The following DLG2 variants were observed in gnomAD, a reference collection of about 807,000 sequenced individuals.
The protein encoded by DLG2 is discs large MAGUK scaffold protein 2.
In DLG2, 45 loss-of-function variants were observed where a neutral mutation model predicts 132.5. The ratio of observed to expected loss-of-function variants is 0.34; its 90% CI spans 0.27 to 0.44. DLG2 has a LOEUF of 0.44. Ranked by LOEUF, DLG2 falls within the 20% of genes least tolerant of loss-of-function variation. DLG2 has a pLI of 1.00. For missense variants in DLG2, 1,045 were observed against 1,196.9 expected (o/e 0.87, Z 1.87); for synonymous variants, 424 against 419.6 (o/e 1.01, Z -0.13).
At chr11:84,726,426 C>T (rs1401654148) in intron 6 of DLG2, among the ~76,000 whole-genome samples, 1 of 152,058 alleles carries the variant, frequency 6.6e-6, no homozygotes, top group Non-Finnish European at 1.5e-5. Context: ...CATCCATGTC[C>T]CTGCAAAGGA....
intron 6 of DLG2, among the ~76,000 whole-genome samples, chr11:84,722,245 C>T (rs1190155444): frequency 6.6e-6 from 1 of 152,128 alleles, no homozygotes; most frequent in East Asian, 1.9e-4. Flanking sequence ...GAAATCCCAC[C>T]TGAAATACAG....
chr11:84,085,815 T>A (rs2096969766), intron 10 of DLG2, among the ~76,000 whole-genome samples: 1 of 152,240 alleles, frequency 6.6e-6, no homozygotes, highest in South Asian at 2.1e-4. Context: ...CATCTATGTC[T>A]CAGCAATCCT....
chr11:84,113,525 T>C (rs1231315429), intron 9 of DLG2, among the ~76,000 whole-genome samples: 2 of 152,180 alleles, frequency 1.3e-5, no homozygotes, highest in Non-Finnish European at 2.9e-5. Context: ...AAAATTTGAA[T>C]TTTCAAGCAC....
At chr11:84,679,144 A>T (rs2099722399) in intron 6 of DLG2, among the ~76,000 whole-genome samples, 1 of 150,562 alleles carries the variant, frequency 6.6e-6, no homozygotes. Context: ...GACTCCAATA[A>T]TAGTTGCTAA....
chr11:84,314,540 T>C (rs575108639), intron 7 of DLG2, among the ~76,000 whole-genome samples: 18 of 152,070 alleles, frequency 1.2e-4, no homozygotes, highest in Non-Finnish European at 2.1e-4. Context: ...TCTATAAATA[T>C]ACATATATCA....
At chr11:84,716,752 C>CA (rs1565758626) in intron 6 of DLG2, among the ~76,000 whole-genome samples, 2 of 146,692 alleles carry the variant, frequency 1.4e-5, no homozygotes, top group African/African-American at 5.0e-5. Context: ...AATAGAAAAT[C>CA]TTTTTTTTTG....
In DLG2 at chr11:83,797,831, T is replaced by C. The variant is rs138911321; in HGVS notation, c.1723-11039A>G. The stretch of plus-strand genomic sequence containing the variant: ...CTGCACCCGGCCGCGTTTGCATTCT[T>C]AACCATGACATAGCCTCTCAAGGAT... On this transcript the variant is annotated intron_variant, in intron 17 of 27. Coordinates refer to ENST00000376104, the MANE Select transcript of DLG2 (RefSeq NM_001142699.3). Among the ~76,000 whole-genome samples the C allele has an allele frequency of 1.8e-3, 273 of 152,350 alleles. 1 individual carries two copies. The highest frequency in any genetic ancestry group is 3.0e-3 in the Non-Finnish European group (202 of 68,024).
chr11:83,592,338 G>A (rs1332712369), intron 19 of DLG2, among the ~76,000 whole-genome samples: 31 of 145,860 alleles, frequency 2.1e-4, no homozygotes, highest in African/African-American at 6.2e-4. Flanking sequence ...AAATAACACC[G>A]CATATCTACA....
At chr11:85,517,977 T>A (rs2094202220) in intron 3 of DLG2, among the ~76,000 whole-genome samples, 1 of 152,220 alleles carries the variant, frequency 6.6e-6, no homozygotes, top group African/African-American at 2.4e-5. Context: ...TCACGTAAGA[T>A]GTGACTTGCT....
chr11:85,065,902 C>T (rs182883403), intron 6 of DLG2, among the ~76,000 whole-genome samples: 1 of 151,134 alleles, frequency 6.6e-6, no homozygotes, highest in Non-Finnish European at 1.5e-5. Flanking sequence ...CATCACACCT[C>T]AAAGAACTAA....
intron 3 of DLG2, among the ~76,000 whole-genome samples, chr11:85,523,608 G>A (rs547312214): frequency 6.6e-6 from 1 of 152,244 alleles, no homozygotes; most frequent in East Asian, 1.9e-4. Flanking sequence ...TAGAGAAAAG[G>A]GAACCATTAC....
chr11:84,110,772 C>A (rs2093303049), intron 9 of DLG2, among the ~76,000 whole-genome samples: 1 of 152,206 alleles, frequency 6.6e-6, no homozygotes, highest in Non-Finnish European at 1.5e-5. Flanking sequence ...AGCTGGGTTC[C>A]AGGTGAATTA....
chr11:84,205,157 A>C (rs998641817), intron 8 of DLG2, among the ~76,000 whole-genome samples: 4 of 152,224 alleles, frequency 2.6e-5, no homozygotes, highest in African/African-American at 9.6e-5. Context: ...GGGATATTTC[A>C]TAAGGACTAA....
intron 9 of DLG2, among the ~76,000 whole-genome samples, chr11:84,150,828 T>C (rs2095270165): frequency 6.6e-6 from 1 of 152,092 alleles, no homozygotes; most frequent in South Asian, 2.1e-4. Context: ...GGATGTTGAA[T>C]TTTATCCAAA....
In DLG2 at chr11:84,783,781, T is replaced by A. The variant is rs183108439; in HGVS notation, c.358-249050A>T. Among the ~76,000 whole-genome samples the A allele has an allele frequency of 3.3e-3, 496 of 152,236 alleles. 2 individuals carry two copies. Among genetic ancestry groups the A allele is most frequent in the Non-Finnish European group, 5.2e-3 (355 of 68,014 alleles). On this transcript the variant is annotated intron_variant, in intron 6 of 27. Coordinates refer to ENST00000376104, the MANE Select transcript of DLG2 (RefSeq NM_001142699.3). ...TTTTTGATTCCTGTTTCAGAGTTTT[T>A]CCTCCATACATGTTCAACATGTCAA...
intron 6 of DLG2, among the ~76,000 whole-genome samples, chr11:84,839,372 T>C (rs977109054): frequency 1.4e-4 from 22 of 152,268 alleles, no homozygotes; most frequent in Admixed American, 9.2e-4. Flanking sequence ...GAACATTCCA[T>C]GCTCATGGAT....
At chr11:85,479,488 T>C (rs1384861562) in intron 3 of DLG2, among the ~76,000 whole-genome samples, 3 of 152,186 alleles carry the variant, frequency 2.0e-5, no homozygotes, top group Non-Finnish European at 4.4e-5. Flanking sequence ...GACATAAACA[T>C]TAAGTCTATA....
chr11:84,038,539 A>T (rs79417935), intron 11 of DLG2, among the ~76,000 whole-genome samples: 106 of 152,232 alleles, frequency 7.0e-4, no homozygotes, highest in African/African-American at 2.5e-3. Flanking sequence ...ATATATGTAC[A>T]TGGTAGAAAA....
intron 6 of DLG2, among the ~76,000 whole-genome samples, chr11:84,557,047 CCT>C (rs1192048032): frequency 6.6e-6 from 1 of 152,086 alleles, no homozygotes; most frequent in Non-Finnish European, 1.5e-5. Flanking sequence ...TGTATAATTC[CCT>C]GTTTTCCCCA....
Sources: gnomAD v4.1 joint callset for allele counts (sites outside exome capture counted in the v4.1 genomes callset) on GRCh38, gnomAD v4.1.1 for gene constraint, MANE v1.5 for transcripts, NCBI Gene and HGNC (gene_info 2026-07-23, HGNC 2026-07-21) for gene names.